Variants in GRK5 observed in about 807,000 individuals in gnomAD.
The protein encoded by GRK5 is g protein-coupled receptor kinase GRK5.
In GRK5, 40 loss-of-function variants were observed where a neutral mutation model predicts 78.4. The ratio of observed to expected loss-of-function variants is 0.51; its 90% CI spans 0.40 to 0.66. GRK5 has a LOEUF of 0.66. GRK5 is among the 30% of genes least tolerant of loss of function. GRK5 has a pLI of 0.00. For missense variants in GRK5, 598 were observed against 759.9 expected (o/e 0.79, Z 2.50); for synonymous variants, 289 against 296.8 (o/e 0.97, Z 0.27).
intron 4 of GRK5, among the ~76,000 whole-genome samples, chr10:119,414,326 C>T (rs1852403564): frequency 6.6e-6 from 1 of 152,222 alleles, no homozygotes; most frequent in African/African-American, 2.4e-5. Flanking sequence ...CGCGGAGCTC[C>T]TCAGTGGGAT....
chr10:119,458,947 A>C lies in GRK5; in HGVS notation c.*3880A>C, dbSNP rs1338815822. The C allele has an allele frequency of 1.3e-5, 2 of 152,188 alleles. No homozygotes were observed. Among genetic ancestry groups the C allele is most frequent in the African/African-American group, 4.8e-5 (2 of 41,444 alleles). The allele number at this position is 152,188 out of a possible 1,614,324, so 9.4% of individuals were successfully genotyped here. A position where few individuals can be genotyped will look rare whatever the true frequency, so the allele number is the denominator to read the frequency against. ...GGATAATTGGAAATCTCTGAGAAGA[A>C]GAGGAAACACCTGAGTGACACTCAG... is the stretch of plus-strand genomic sequence containing the variant. On this transcript the variant is annotated 3_prime_UTR_variant, in exon 16 of 16. Transcript: ENST00000392870.
At chr10:119,398,460 G>A (rs762965332) in intron 4 of GRK5, among the ~76,000 whole-genome samples, 5 of 152,268 alleles carry the variant, frequency 3.3e-5, no homozygotes, top group African/African-American at 4.8e-5. Flanking sequence ...GCTGAATAGC[G>A]TGAGAGGCCA....
At chr10:119,377,343 G>A (rs192583754) in intron 2 of GRK5, among the ~76,000 whole-genome samples, 10 of 152,250 alleles carry the variant, frequency 6.6e-5, no homozygotes, top group East Asian at 1.9e-4. Context: ...TTTGATTTGC[G>A]CCTCCTCCTG....
At chr10:119,266,929 C>T (rs1849507829) in intron 1 of GRK5, among the ~76,000 whole-genome samples, 1 of 151,974 alleles carries the variant, frequency 6.6e-6, no homozygotes. Context: ...CGTGTGCCAC[C>T]ATGCCCAGTT....
At chr10:119,443,903 G>A (rs1277204896) in intron 12 of GRK5, 151 bp downstream of exon 12, 1 of 692,350 alleles carries the variant, frequency 1.4e-6, no homozygotes, top group African/African-American at 1.8e-5. Context: ...TAGAGTTGAG[G>A]GCACTCCTTG....
intron 1 of GRK5, among the ~76,000 whole-genome samples, chr10:119,214,874 G>A (rs926958408): frequency 6.6e-6 from 1 of 152,306 alleles, no homozygotes. Flanking sequence ...TAAAAACAAT[G>A]GCAAGAAGAC....
chr10:119,318,874 C>G (rs1262729531), intron 1 of GRK5, among the ~76,000 whole-genome samples: 1 of 152,156 alleles, frequency 6.6e-6, no homozygotes, highest in African/African-American at 2.4e-5. Context: ...CTTCCCCCAC[C>G]AAGACAGCCT....
At chr10:119,348,388 G>A (rs11198893) in intron 2 of GRK5, among the ~76,000 whole-genome samples, 10,322 of 152,156 alleles carry the variant, frequency 0.068, 536 homozygotes, top group East Asian at 0.23. Flanking sequence ...GTTTTGGGAA[G>A]TAAGCAGGCA....
chr10:119,212,867 G>T (rs1466023103), intron 1 of GRK5: 2 of 152,256 alleles, frequency 1.3e-5, no homozygotes, highest in African/African-American at 2.4e-5. Context: ...GCCGAGTGCG[G>T]TGGCACAGCC....
chr10:119,240,061 A>ATT (rs964728345), intron 1 of GRK5, among the ~76,000 whole-genome samples: 1 of 151,906 alleles, frequency 6.6e-6, no homozygotes, highest in African/African-American at 2.4e-5. Flanking sequence ...GTCAAATGGT[A>ATT]TTTCTGGCTC....
intron 1 of GRK5, among the ~76,000 whole-genome samples, chr10:119,246,718 C>T (rs1005222098): frequency 6.6e-6 from 1 of 152,186 alleles, no homozygotes; most frequent in Non-Finnish European, 1.5e-5. Context: ...ACAATTATGT[C>T]ACGAATTTGG....
chr10:119,210,152 T>C (rs76464887), intron 1 of GRK5, among the ~76,000 whole-genome samples: 1 of 152,194 alleles, frequency 6.6e-6, no homozygotes, highest in East Asian at 1.9e-4. Flanking sequence ...CTTTTTTTTT[T>C]CCTTTTAAAG....
intron 2 of GRK5, among the ~76,000 whole-genome samples, chr10:119,334,238 C>T (rs1489342110): frequency 1.3e-5 from 2 of 152,212 alleles, no homozygotes; most frequent in East Asian, 1.9e-4. Flanking sequence ...CCCAGGAGTC[C>T]GAGGATACAG....
chr10:119,293,247 C>A (rs186994173), intron 1 of GRK5, among the ~76,000 whole-genome samples: 1 of 152,192 alleles, frequency 6.6e-6, no homozygotes, highest in South Asian at 2.1e-4. Flanking sequence ...TGGCTGGATG[C>A]CGTGGCTCAC....
intron 1 of GRK5, among the ~76,000 whole-genome samples, chr10:119,291,640 T>A (rs1370048207): frequency 6.9e-6 from 1 of 144,452 alleles, no homozygotes; most frequent in Non-Finnish European, 1.5e-5. Flanking sequence ...CTCCTTCTCT[T>A]CTTCCTCCTC....
intron 1 of GRK5, among the ~76,000 whole-genome samples, chr10:119,240,363 G>C (rs558929760): frequency 1.1e-4 from 16 of 151,742 alleles, no homozygotes; most frequent in African/African-American, 3.9e-4. Context: ...ACCATGCCCG[G>C]CTAATTTTTT....
chr10:119,356,547 T>G (rs1387142608), intron 2 of GRK5, among the ~76,000 whole-genome samples: 1 of 152,244 alleles, frequency 6.6e-6, no homozygotes, highest in Non-Finnish European at 1.5e-5. Context: ...GTCTATCTTC[T>G]TGATGCCCAA....
chr10:119,392,122 A>G (rs60110499), intron 3 of GRK5, among the ~76,000 whole-genome samples: 2,383 of 152,326 alleles, frequency 0.016, 64 homozygotes, highest in African/African-American at 0.053. Context: ...TCTGAGATTG[A>G]TGATGCAATT....
chr10:119,443,864 ATGGGGG>A, intron 12 of GRK5, 112 bp downstream of exon 12: 1 of 932,606 alleles, frequency 1.1e-6, no homozygotes. Flanking sequence ...GGGTCTGAGC[ATGGGGG>A]TGGGGGTTGC....
Sources: allele counts gnomAD v4.1 joint callset (sites outside exome capture counted in the v4.1 genomes callset), GRCh38; gene constraint gnomAD v4.1.1; transcripts MANE v1.5; gene names NCBI Gene and HGNC (gene_info 2026-07-23, HGNC 2026-07-21).